Variants in CLASRP observed in about 807,000 individuals in gnomAD.
CLASRP encodes CLK4-associating serine/arginine rich protein.
A neutral mutation model predicts 99.9 loss-of-function variants in CLASRP; 52 were observed. That is an observed-to-expected ratio of 0.52 (90% CI 0.42 to 0.66). CLASRP has a LOEUF of 0.66. Among genes scored for constraint, CLASRP ranks in the 30% least tolerant of loss-of-function variants. The pLI, the probability that CLASRP is intolerant of heterozygous loss-of-function variation, is 0.00. For synonymous variants in CLASRP, 379 were observed against 373.0 expected (o/e 1.02, Z -0.18); for missense variants, 848 against 999.2 (o/e 0.85, Z 2.04).
intron 11 of CLASRP, among the ~76,000 whole-genome samples, chr19:45,062,816 C>T (rs555265092): frequency 2.0e-5 from 3 of 152,238 alleles, no homozygotes; most frequent in South Asian, 4.1e-4. Flanking sequence ...TCTCAATTTC[C>T]AGAAGTGGCC....
intron 15 of CLASRP, 110 bp from the exon 16 acceptor site, chr19:45,068,310 C>CG: frequency 1.7e-6 from 1 of 603,860 alleles, no homozygotes; most frequent in Non-Finnish European, 3.0e-6. Flanking sequence ...CCACGTCGTT[C>CG]TCCCCCCCCC....
At chr19:45,064,724 C>G in intron 13 of CLASRP, 94 bp downstream of exon 13, 2 of 1,453,908 alleles carry the variant, frequency 1.4e-6, no homozygotes, top group East Asian at 2.5e-5. Flanking sequence ...ACCTGGCCGT[C>G]CAGCTCAGAG....
At position 45,059,233 on chromosome 19, in the gene CLASRP, G is replaced by A. The variant is rs770234179; in HGVS notation, c.614-35G>A. On this transcript the variant is annotated intron_variant, in intron 7 of 20. Transcript: ENST00000221455. Reference sequence around the variant, plus strand: ...CCCCTTCTCCCCTGTCCTCTCGCTCGGCCGTGGCTCCTGACAGCCTTTCTC... The same window carrying A: ...CCCCTTCTCCCCTGTCCTCTCGCTCAGCCGTGGCTCCTGACAGCCTTTCTC... 7 of 1,573,106 alleles carry A rather than the reference G, an allele frequency of 4.4e-6. 1 individual carries two copies. The highest frequency in any genetic ancestry group is 3.5e-5 in the South Asian group (3 of 86,938).
chr19:45,058,195 C>T (rs1972158192), intron 7 of CLASRP: 1 of 417,248 alleles, frequency 2.4e-6, no homozygotes, highest in Non-Finnish European at 4.5e-6. Context: ...TTGCCCCTCT[C>T]TCCTGCTCTC....
intron 3 of CLASRP, 51 bp from the exon 4 acceptor site, chr19:45,052,740 G>T: frequency 7.3e-7 from 1 of 1,365,226 alleles, no homozygotes; most frequent in Non-Finnish European, 1.0e-6. Flanking sequence ...TTTGTGTCCT[G>T]GGCAGTATGG....
At chr19:45,068,329 C>T (rs1016918128) in intron 15 of CLASRP, 91 bp from the exon 16 acceptor site, 10 of 648,426 alleles carry the variant, frequency 1.5e-5, no homozygotes, top group Non-Finnish European at 2.0e-5. Flanking sequence ...CCACCCCCCC[C>T]CCGCACAAAG....
At chr19:45,046,525 G>C (rs151242952) in intron 2 of CLASRP, among the ~76,000 whole-genome samples, 29 of 152,312 alleles carry the variant, frequency 1.9e-4, no homozygotes, top group African/African-American at 6.5e-4. Flanking sequence ...TCTCAGCGCT[G>C]TCCACTCTAG....
intron 5 of CLASRP, among the ~76,000 whole-genome samples, chr19:45,055,620 G>C (rs966246702): frequency 6.6e-6 from 1 of 152,150 alleles, no homozygotes; most frequent in African/African-American, 2.4e-5. Context: ...GATCACCTGA[G>C]GTCGGGAGTT....
intron 11 of CLASRP, among the ~76,000 whole-genome samples, chr19:45,063,593 C>T (rs745909873): frequency 2.1e-4 from 32 of 151,350 alleles, no homozygotes; most frequent in Non-Finnish European, 4.1e-4. Flanking sequence ...ATTACAGGTG[C>T]GCGCCACCAT....
chr19:45,068,080 G>C, intron 15 of CLASRP, 26 bp downstream of exon 15: 1 of 1,611,728 alleles, frequency 6.2e-7, no homozygotes, highest in Non-Finnish European at 8.5e-7. Flanking sequence ...GAACTCGCCC[G>C]TCTAATTCCC....
rs1248081587 is a variant in CLASRP, at chr19:45,064,186, C to T, written c.1080C>T (p.Pro360=). 5 of 1,607,212 alleles carry T rather than the reference C, an allele frequency of 3.1e-6. No homozygotes were observed. The highest frequency in any genetic ancestry group is 4.2e-6 in the Non-Finnish European group (5 of 1,177,834). Residue 360 remains proline, a synonymous_variant, in exon 12 of 21, where the codon CCC becomes CCT. Transcript: ENST00000221455. ...GVTTGKPPAP[P]QPGGPAPGRN... The stretch of plus-strand genomic sequence containing the variant: ...CCACAGGGAAGCCCCCCGCACCTCC[C>T]CAGCCTGGCGGCCCCGCCCCGGGAC...
chr19:45,044,701 A>G (rs1186122643), intron 2 of CLASRP, among the ~76,000 whole-genome samples: 1 of 152,088 alleles, frequency 6.6e-6, no homozygotes, highest in Non-Finnish European at 1.5e-5. Context: ...GGGTGGGGCT[A>G]CAGTGAGCTG....
In CLASRP at chr19:45,067,237, G is replaced by A; in HGVS notation, c.1410-100G>A. The A allele has an allele frequency of 7.6e-7, 1 of 1,319,152 alleles. No individual in the cohort carries two copies. The highest frequency in any genetic ancestry group is 1.0e-6 in the Non-Finnish European group (1 of 995,426). 81.7% of individuals were successfully genotyped at this position (1,319,152 alleles called of 1,614,324 possible). The stretch of plus-strand genomic sequence containing the variant: ...GAGGAGAGTCGAGCCTGTCACCCTG[G>A]GCCTTGCAGGAAGGAGGACTGTGGA... On this transcript the variant is annotated intron_variant, in intron 13 of 20. Coordinates refer to ENST00000221455, the MANE Select transcript of CLASRP (RefSeq NM_007056.3). This position sits in a 1 kb window ranked among gnomAD's most constrained non-coding sequence, Gnocchi z 4.9.
At chr19:45,053,045 G>T (rs974836244) in intron 4 of CLASRP, 53 bp from the exon 5 acceptor site, 44 of 1,580,454 alleles carry the variant, frequency 2.8e-5, no homozygotes, top group African/African-American at 1.5e-4. Context: ...CTGCTGGCTT[G>T]GGGGGGGATC....
At chr19:45,065,270 G>T (rs1392933525) in intron 13 of CLASRP, among the ~76,000 whole-genome samples, 3 of 151,760 alleles carry the variant, frequency 2.0e-5, no homozygotes, top group Non-Finnish European at 2.9e-5. Context: ...CACGCCTGTA[G>T]TCCCAGCTAC....
At chr19:45,063,034 G>A (rs1428022998) in intron 11 of CLASRP, among the ~76,000 whole-genome samples, 1 of 152,166 alleles carries the variant, frequency 6.6e-6, no homozygotes, top group Non-Finnish European at 1.5e-5. Flanking sequence ...TGTGGGTCGA[G>A]GTTAGATGAG....
rs771378485 is a variant in CLASRP, at chr19:45,052,158, C to T, written c.187C>T (p.Pro63Ser). Residue 63 changes from proline (P) to serine (S), a missense_variant, in exon 3 of 21, where the codon CCT becomes TCT. By Grantham distance (74) the Pro-to-Ser change is moderately conservative. Coordinates refer to ENST00000221455, the MANE Select transcript of CLASRP (RefSeq NM_007056.3). ...DSAVALAAES[P>S]VNMMPWQGDT... is the part of the protein sequence containing the mutation. ...TGCAGTCGCCCTGGCCGCTGAGAGCCCTGTTAATATGTAAGACTGATATGG... is the reference window on the plus strand; with the variant it reads ...TGCAGTCGCCCTGGCCGCTGAGAGCTCTGTTAATATGTAAGACTGATATGG... 3.7e-6 allele frequency: 6 copies of T among 1,613,780 alleles called. No homozygotes were observed. In the East Asian group the frequency reaches 1.3e-4, roughly 36 times the overall value.
intron 11 of CLASRP, among the ~76,000 whole-genome samples, chr19:45,063,703 G>A (rs1430471450): frequency 6.6e-6 from 1 of 152,026 alleles, no homozygotes; most frequent in Non-Finnish European, 1.5e-5. Context: ...GCCTGCCTCG[G>A]CCTCCCACAG....
In CLASRP at chr19:45,064,213, T is replaced by C; in HGVS notation, c.1107T>C (p.Arg369=). 1.3e-6 allele frequency: 2 copies of C among 1,597,048 alleles called. No homozygotes were observed. Among genetic ancestry groups the C allele is most frequent in the Non-Finnish European group, 8.5e-7 (1 of 1,173,132 alleles). ...AGCCTGGCGGCCCCGCCCCGGGACGTAATGCCAGCGCCCGGTCGGTAACGC... is the reference window on the plus strand; with the variant it reads ...AGCCTGGCGGCCCCGCCCCGGGACGCAATGCCAGCGCCCGGTCGGTAACGC... ...PPQPGGPAPG[R]NASARRRSSS... The change falls in exon 12 of 21, where the codon CGT becomes CGC. Residue 369 remains arginine (R), a synonymous_variant. Coordinates refer to ENST00000221455, the MANE Select transcript of CLASRP (RefSeq NM_007056.3).
Sources: allele counts gnomAD v4.1 joint callset (sites outside exome capture counted in the v4.1 genomes callset), GRCh38; gene constraint gnomAD v4.1.1; non-coding constraint Gnocchi (gnomAD v3.1); transcripts MANE v1.5; gene names NCBI Gene and HGNC (gene_info 2026-07-23, HGNC 2026-07-21).